The following WASF3 variants were observed in gnomAD, a reference collection of about 807,000 sequenced individuals.
The protein encoded by WASF3 is WASP family member 3.
Under a neutral mutation model 46.6 loss-of-function variants are expected in WASF3, and 11 were observed. The observed-to-expected ratio is 0.24, with a 90% CI of 0.15 to 0.39. The LOEUF is 0.39. Ranked by LOEUF, WASF3 falls within the 10% of genes least tolerant of loss-of-function variation. The pLI is 1.00. For missense variants in WASF3, 576 were observed against 669.8 expected (o/e 0.86, Z 1.55); for synonymous variants, 242 against 259.7 (o/e 0.93, Z 0.65).
the WASF3 span, among the ~76,000 whole-genome samples, chr13:26,540,435 C>G: frequency 0.014 from 2,089 of 152,304 alleles, 55 homozygotes; most frequent in African/African-American, 0.047. Flanking sequence ...TCCTGGCAAC[C>G]TCGAGCATTG....
intron 1 of WASF3, among the ~76,000 whole-genome samples, chr13:26,564,209 G>A (rs961858590): frequency 2.0e-5 from 3 of 152,216 alleles, no homozygotes; most frequent in Admixed American, 2.0e-4. Flanking sequence ...AGGTAAAACA[G>A]GATAGATTAT....
intron 1 of WASF3, among the ~76,000 whole-genome samples, chr13:26,578,455 A>G (rs558041028): frequency 5.3e-5 from 8 of 152,292 alleles, no homozygotes; most frequent in African/African-American, 1.9e-4. Context: ...GTTGTTTGCA[A>G]TATGGCCTAC....
chr13:26,622,340 C>T (rs913399125), intron 2 of WASF3, among the ~76,000 whole-genome samples: 1 of 152,206 alleles, frequency 6.6e-6, no homozygotes, highest in Admixed American at 6.5e-5. Flanking sequence ...TCAACTACCT[C>T]TACCTACCAG....
intron 8 of WASF3, among the ~76,000 whole-genome samples, chr13:26,681,993 C>T (rs1448569112): frequency 6.6e-6 from 1 of 152,352 alleles, no homozygotes; most frequent in African/African-American, 2.4e-5. Flanking sequence ...CAATCCTGCT[C>T]TCAGAAGTGC....
chr13:26,586,913 T>G (rs1477848899), intron 1 of WASF3, among the ~76,000 whole-genome samples: 1 of 151,914 alleles, frequency 6.6e-6, no homozygotes, highest in Non-Finnish European at 1.5e-5. Flanking sequence ...TTCAGTCTGG[T>G]CAACATGGCG....
At chr13:26,642,695 G>A (rs1882035066) in intron 3 of WASF3, among the ~76,000 whole-genome samples, 1 of 152,070 alleles carries the variant, frequency 6.6e-6, no homozygotes, top group Non-Finnish European at 1.5e-5. Context: ...GAAGATAATT[G>A]GTAATTTTTT....
intron 9 of WASF3, 39 bp from the exon 10 acceptor site, chr13:26,685,649 C>T (rs1883379600): frequency 1.3e-6 from 2 of 1,596,740 alleles, no homozygotes; most frequent in Admixed American, 3.4e-5. Context: ...TTGGAGCCAG[C>T]AAAAGGATGT....
chr13:26,577,809 T>G, intron 1 of WASF3: 1 of 609,322 alleles, frequency 1.6e-6, no homozygotes, highest in East Asian at 2.7e-5. Context: ...TGCACTCAGT[T>G]GTGTGTTCTG....
At chr13:26,611,836 AT>A (rs35868642) in intron 1 of WASF3, among the ~76,000 whole-genome samples, 108 of 147,826 alleles carry the variant, frequency 7.3e-4, no homozygotes, top group South Asian at 4.1e-3. Flanking sequence ...TGATCATTCT[AT>A]TTTTTTTTTT....
intron 3 of WASF3, among the ~76,000 whole-genome samples, chr13:26,656,670 TAA>T (rs1481603244): frequency 6.6e-6 from 1 of 152,082 alleles, no homozygotes; most frequent in Non-Finnish European, 1.5e-5. Context: ...ATACTTCCAT[TAA>T]AGTTTTTAAT....
At chr13:26,685,483 T>C (rs899768805) in intron 9 of WASF3, among the ~76,000 whole-genome samples, 15 of 152,260 alleles carry the variant, frequency 9.9e-5, no homozygotes, top group African/African-American at 3.6e-4. Flanking sequence ...CACATTACTT[T>C]GTTACAAAAA....
At chr13:26,639,408 A>G (rs1298974304) in intron 2 of WASF3, among the ~76,000 whole-genome samples, 8 of 152,228 alleles carry the variant, frequency 5.3e-5, no homozygotes, top group Admixed American at 6.5e-5. Context: ...GTAAATGTCT[A>G]TGGCTGTACA....
intron 2 of WASF3, among the ~76,000 whole-genome samples, chr13:26,633,200 CTTTT>C (rs58237286): frequency 3.3e-5 from 3 of 90,436 alleles, no homozygotes; most frequent in Non-Finnish European, 6.3e-5. Context: ...TTAGTTATTT[CTTTT>C]TTTTTTTTTT....
Position 26,682,411 on chromosome 13 carries a change from G to C in WASF3, c.984-196G>C, listed in dbSNP as rs1458447098. 1.3e-5 allele frequency among the ~76,000 whole-genome samples: 2 copies of C among 152,184 alleles called. No individual in the cohort carries two copies. Among genetic ancestry groups the C allele is most frequent in the Non-Finnish European group, 1.5e-5 (1 of 68,038 alleles). On this transcript the variant is annotated intron_variant, in intron 8 of 9. Coordinates refer to ENST00000335327, the MANE Select transcript of WASF3 (RefSeq NM_006646.6). This position sits in a 1 kb window ranked among gnomAD's most constrained non-coding sequence, Gnocchi z 4.4. ...TTGGCACATTTCAGTAGCAGATCTT[G>C]ACTTCTGTCATAATGAATAATGTCA...
chr13:26,657,811 A>G (rs1882510874), intron 3 of WASF3, among the ~76,000 whole-genome samples: 2 of 152,242 alleles, frequency 1.3e-5, no homozygotes, highest in African/African-American at 4.8e-5. Flanking sequence ...GAAGATTGTA[A>G]TTATAACACT....
At chr13:26,575,864 A>AGATATCTTTCATATGC (rs1228164982) in intron 1 of WASF3, among the ~76,000 whole-genome samples, 1 of 152,170 alleles carries the variant, frequency 6.6e-6, no homozygotes, top group African/African-American at 2.4e-5. Flanking sequence ...GAGGCCTCGA[A>AGATATCTTTCATATGC]GATATCTTTC....
At chr13:26,614,708 G>C (rs952365330) in intron 2 of WASF3, among the ~76,000 whole-genome samples, 1 of 152,094 alleles carries the variant, frequency 6.6e-6, no homozygotes, top group African/African-American at 2.4e-5. Context: ...TTTTAACACG[G>C]ATACTGTCTA....
At chr13:26,655,156 ATC>A (rs1566064601) in intron 3 of WASF3, among the ~76,000 whole-genome samples, 2 of 152,090 alleles carry the variant, frequency 1.3e-5, no homozygotes, top group African/African-American at 4.8e-5. Context: ...ATTAAAAATG[ATC>A]TCTTTTTTGT....
In WASF3 at chr13:26,563,079, T is replaced by C. The variant is rs191877028; in HGVS notation, c.-109+5260T>C. Among the ~76,000 whole-genome samples, 30 of 151,668 alleles carry C rather than the reference T, an allele frequency of 2.0e-4. 1 individual carries two copies. Among genetic ancestry groups the C allele is most frequent in the Admixed American group, 9.2e-4 (14 of 15,226 alleles). ...TGGACTTTTCCTAGGTGCCATTGTG[T>C]CTCCAGGTCGTGATGTCTTTGTGGC... On this transcript the variant is annotated intron_variant, in intron 1 of 9. Transcript: ENST00000335327.
Sources: gnomAD v4.1 joint callset for allele counts (sites outside exome capture counted in the v4.1 genomes callset) on GRCh38, gnomAD v4.1.1 for gene constraint, Gnocchi (gnomAD v3.1) non-coding constraint, MANE v1.5 for transcripts, NCBI Gene and HGNC (gene_info 2026-07-23, HGNC 2026-07-21) for gene names.